RP1: variants seen among roughly 807,000 people sequenced by gnomAD.
The protein encoded by RP1 is oxygen-regulated protein 1.
Under a neutral mutation model 14.8 loss-of-function variants are expected in RP1, and 16 were observed. That is an observed-to-expected ratio of 1.08 (90% CI 0.73 to 1.65). RP1 has a LOEUF of 1.65. RP1 is among the 40% of genes most tolerant of loss of function. RP1 has a pLI of 0.00. For missense variants in RP1, 2,631 were observed against 2,535.0 expected, an observed-to-expected ratio of 1.04 and a Z score of -0.81; for synonymous variants, 876 against 883.6, an observed-to-expected ratio of 0.99 and a Z score of 0.15.
At chr8:54,664,643 T>C (rs1037218227) in intron 7 of RP1, among the ~76,000 whole-genome samples, 4 of 152,198 alleles carry the variant, frequency 2.6e-5, no homozygotes, top group Admixed American at 6.6e-5. Context: ...ATTAGTGATG[T>C]TGAACATCTT....
chr8:54,702,336 A>G (rs1808043588), intron 14 of RP1, among the ~76,000 whole-genome samples: 1 of 152,216 alleles, frequency 6.6e-6, no homozygotes, highest in Admixed American at 6.5e-5. Flanking sequence ...GTTCATTTCT[A>G]GACCATTGCA....
At chr8:54,610,748 C>A (rs1353612030) in intron 1 of RP1, among the ~76,000 whole-genome samples, 3 of 152,188 alleles carry the variant, frequency 2.0e-5, no homozygotes, top group Non-Finnish European at 4.4e-5. Flanking sequence ...AAGACATCTG[C>A]AAATGCTGTC....
At chr8:54,649,151 A>G in intron 4 of RP1, 1 of 1,480,394 alleles carries the variant, frequency 6.8e-7, no homozygotes, top group South Asian at 1.4e-5. Flanking sequence ...TATTTACTGT[A>G]AGTAATAAAA....
Position 54,759,934 on chromosome 8 carries a change from T to C in RP1, c.3248+858T>C, listed in dbSNP as rs150209842. Among the ~76,000 whole-genome samples the C allele has an allele frequency of 6.2e-4, 94 of 152,184 alleles. 1 individual carries two copies. The East Asian group carries it at 0.017, about 28-fold the overall frequency. ...CTGCCCTGTATCCTCTTTTTCCAAA[T>C]AGGTAATCAACAGGAAATGAGATAA... On this transcript the variant is annotated intron_variant, in intron 22 of 22. Transcript: ENST00000636932.
At chr8:54,607,676 C>G (rs1161912380) in intron 1 of RP1, among the ~76,000 whole-genome samples, 1 of 152,202 alleles carries the variant, frequency 6.6e-6, no homozygotes, top group East Asian at 1.9e-4. Context: ...CCTCCTTGAG[C>G]TGCGGTGGGC....
At chr8:54,679,746 C>T in intron 11 of RP1, 1 of 1,525,314 alleles carries the variant, frequency 6.6e-7, no homozygotes. Context: ...GCAATTTCTT[C>T]TCTTTGTTTC....
intron 22 of RP1, chr8:54,769,654 C>A: frequency 1.0e-6 from 1 of 964,130 alleles, no homozygotes; most frequent in South Asian, 1.6e-5. Context: ...GCAGAATCAA[C>A]CTTATTTTAA....
chr8:54,722,274 T>TTTTGTG (rs1554527264), intron 16 of RP1, among the ~76,000 whole-genome samples: 1 of 143,718 alleles, frequency 7.0e-6, no homozygotes, highest in Non-Finnish European at 1.5e-5. Flanking sequence ...GTTTTTTTTT[T>TTTTGTG]TGTGTGTGTG....
intron 12 of RP1, chr8:54,697,051 C>CA: frequency 6.4e-7 from 1 of 1,561,316 alleles, no homozygotes; most frequent in Non-Finnish European, 8.7e-7. Context: ...GTCACGCTAC[C>CA]AAAAATAGAG....
chr8:54,850,519 A>G (rs1258783325), intron 25 of RP1, among the ~76,000 whole-genome samples: 1 of 152,198 alleles, frequency 6.6e-6, no homozygotes, highest in Non-Finnish European at 1.5e-5. Context: ...CTGCTTTTAA[A>G]TCAACAACTT....
chr8:54,601,876 T>C (rs1169645160), intron 1 of RP1, among the ~76,000 whole-genome samples: 1 of 152,188 alleles, frequency 6.6e-6, no homozygotes, highest in Admixed American at 6.5e-5. Context: ...ATGTTCAAAA[T>C]AGGCAAATCC....
At chr8:54,795,573 T>C (rs1486377382) in intron 24 of RP1, among the ~76,000 whole-genome samples, 2 of 152,104 alleles carry the variant, frequency 1.3e-5, no homozygotes, top group African/African-American at 4.8e-5. Context: ...CCAAAAACCT[T>C]TGTGGAGAGG....
chr8:54,838,449 A>G (rs1284250691), intron 25 of RP1, among the ~76,000 whole-genome samples: 2 of 151,954 alleles, frequency 1.3e-5, no homozygotes, highest in Non-Finnish European at 2.9e-5. Flanking sequence ...GTGTGTGTAT[A>G]TGTGTGCATG....
At chr8:54,865,606 T>G (rs879296873) in intron 27 of RP1, among the ~76,000 whole-genome samples, 34 of 152,258 alleles carry the variant, frequency 2.2e-4, no homozygotes, top group Non-Finnish European at 4.7e-4. Flanking sequence ...TTTAATTTTA[T>G]AGAGAGTTTG....
chr8:54,716,582 C>T (rs1287756999), intron 15 of RP1, among the ~76,000 whole-genome samples: 1 of 152,118 alleles, frequency 6.6e-6, no homozygotes, highest in Non-Finnish European at 1.5e-5. Flanking sequence ...CAACATAGGG[C>T]TTGAGAGTCT....
chr8:54,606,183 G>A (rs1369816133), intron 1 of RP1, among the ~76,000 whole-genome samples: 1 of 152,152 alleles, frequency 6.6e-6, no homozygotes, highest in African/African-American at 2.4e-5. Context: ...GCTGGTACCG[G>A]TTGTTCCTTT....
intron 24 of RP1, among the ~76,000 whole-genome samples, chr8:54,820,641 TA>T (rs536970170): frequency 3.4e-4 from 51 of 152,212 alleles, no homozygotes; most frequent in African/African-American, 1.1e-3. Context: ...CTGCATGCTG[TA>T]GGGGATGTGG....
chr8:54,867,098 G>A (rs1237401215), intron 28 of RP1, among the ~76,000 whole-genome samples: 1 of 152,150 alleles, frequency 6.6e-6, no homozygotes, highest in African/African-American at 2.4e-5. Context: ...AGAGCTGAGT[G>A]TGCTCTGAAT....
At position 54,656,025 on chromosome 8, in the gene RP1, T is replaced by C. The variant is rs1023579990; in HGVS notation, c.1039-58T>C. The stretch of plus-strand genomic sequence containing the variant: ...AGTGGCAGTCTTGAACAAAAACTTA[T>C]TTGACACTTTGATAAAGCATTCCTA... On this transcript the variant is annotated intron_variant, in intron 5 of 22. Transcript: ENST00000636932. The C allele has an allele frequency of 1.6e-5, 21 of 1,298,808 alleles. 1 individual carries two copies. In the African/African-American group the frequency reaches 2.0e-4, roughly 12 times the overall value. 80.5% of individuals were successfully genotyped at this position (1,298,808 alleles called of 1,614,324 possible).
Sources: gnomAD v4.1 joint callset for allele counts (sites outside exome capture counted in the v4.1 genomes callset) on GRCh38, gnomAD v4.1.1 for gene constraint, MANE v1.5 for transcripts, NCBI Gene and HGNC (gene_info 2026-07-23, HGNC 2026-07-21) for gene names.